The following CNTNAP2 variants were observed in gnomAD, a reference collection of about 807,000 sequenced individuals.
CNTNAP2 encodes contactin associated protein 2.
A neutral mutation model predicts 155.2 loss-of-function variants in CNTNAP2; 98 were observed. The observed-to-expected ratio is 0.63, with a 90% CI of 0.54 to 0.75. CNTNAP2 has a LOEUF of 0.75. CNTNAP2 is among the 30% of genes least tolerant of loss of function. CNTNAP2 has a pLI of 0.00. For missense variants in CNTNAP2, 1,727 were observed against 1,688.1 expected, an observed-to-expected ratio of 1.02 and a Z score of -0.40; for synonymous variants, 651 against 631.2, an observed-to-expected ratio of 1.03 and a Z score of -0.47.
At chr7:148,405,603 A>ATTTTTTTTTTT (rs535094195) in intron 22 of CNTNAP2, among the ~76,000 whole-genome samples, 1 of 36,830 alleles carries the variant, frequency 2.7e-5, no homozygotes, top group East Asian at 9.5e-4. Context: ...TGCACAGCTA[A>ATTTTTTTTTTT]TTTTTTTTTT....
At chr7:147,800,422 C>T (rs560915509) in intron 13 of CNTNAP2, among the ~76,000 whole-genome samples, 1 of 151,584 alleles carries the variant, frequency 6.6e-6, no homozygotes, top group East Asian at 1.9e-4. Flanking sequence ...AAACTTAAGG[C>T]CATTTAAAAA....
intron 1 of CNTNAP2, among the ~76,000 whole-genome samples, chr7:146,456,194 A>G (rs890704028): frequency 6.6e-5 from 10 of 152,208 alleles, no homozygotes; most frequent in Non-Finnish European, 1.2e-4. Flanking sequence ...TGAATGCCAG[A>G]AAATAAAAGG....
intron 3 of CNTNAP2, among the ~76,000 whole-genome samples, chr7:146,881,763 T>TTC (rs1310779566): frequency 1.3e-5 from 2 of 150,882 alleles, no homozygotes; most frequent in African/African-American, 4.9e-5. Context: ...TAATTTTTTT[T>TTC]TTTTTTTTTT....
intron 20 of CNTNAP2, among the ~76,000 whole-genome samples, chr7:148,230,499 C>A (rs772522994): frequency 6.6e-6 from 1 of 152,116 alleles, no homozygotes; most frequent in African/African-American, 2.4e-5. Flanking sequence ...AAAATAGATG[C>A]CTGTCAGGAG....
At chr7:147,788,772 G>C (rs768025649) in intron 13 of CNTNAP2, among the ~76,000 whole-genome samples, 2 of 151,668 alleles carry the variant, frequency 1.3e-5, no homozygotes, top group African/African-American at 4.8e-5. Context: ...TGGATGCAGC[G>C]GTGACGCAGC....
chr7:147,500,699 T>C (rs954163600), intron 11 of CNTNAP2, among the ~76,000 whole-genome samples: 12 of 152,176 alleles, frequency 7.9e-5, no homozygotes, highest in Admixed American at 2.0e-4. Flanking sequence ...ACTCGGAACA[T>C]ACAAAGCCCT....
chr7:146,674,518 A>T (rs1354824549), intron 1 of CNTNAP2, among the ~76,000 whole-genome samples: 1 of 152,170 alleles, frequency 6.6e-6, no homozygotes, highest in African/African-American at 2.4e-5. Context: ...AAATTAAAAA[A>T]AAAAGCATTT....
chr7:146,322,424 A>G (rs952097440), intron 1 of CNTNAP2, among the ~76,000 whole-genome samples: 1 of 152,244 alleles, frequency 6.6e-6, no homozygotes, highest in African/African-American at 2.4e-5. Flanking sequence ...TACAAGCATA[A>G]TGTTTTCACT....
intron 3 of CNTNAP2, among the ~76,000 whole-genome samples, chr7:146,874,701 A>G (rs1041103746): frequency 2.0e-5 from 3 of 152,154 alleles, no homozygotes; most frequent in Non-Finnish European, 4.4e-5. Context: ...TTGTAATTGC[A>G]GCTATACTTC....
intron 4 of CNTNAP2, among the ~76,000 whole-genome samples, chr7:147,098,325 G>A (rs900674766): frequency 3.3e-5 from 5 of 152,160 alleles, no homozygotes; most frequent in African/African-American, 7.2e-5. Flanking sequence ...TAAGCCTTAT[G>A]TAGTAAAGTC....
At chr7:148,270,768 T>C (rs1286846939) in intron 21 of CNTNAP2, among the ~76,000 whole-genome samples, 2 of 152,174 alleles carry the variant, frequency 1.3e-5, no homozygotes, top group Admixed American at 6.5e-5. Flanking sequence ...GTAGAAAGAA[T>C]GTGGACTTCG....
chr7:147,942,920 C>T (rs1402151066), intron 14 of CNTNAP2, among the ~76,000 whole-genome samples: 1 of 151,944 alleles, frequency 6.6e-6, no homozygotes, highest in Admixed American at 6.6e-5. Flanking sequence ...GCCTGTAGTC[C>T]CAGCTACTCG....
chr7:147,653,354 A>C (rs533817804), intron 13 of CNTNAP2, among the ~76,000 whole-genome samples: 1 of 152,318 alleles, frequency 6.6e-6, no homozygotes, highest in Admixed American at 6.5e-5. Context: ...TGCTTTTGAT[A>C]GAGTTCTCCG....
chr7:147,693,443 T>C (rs1350200534), intron 13 of CNTNAP2, among the ~76,000 whole-genome samples: 2 of 152,094 alleles, frequency 1.3e-5, no homozygotes, highest in Non-Finnish European at 2.9e-5. Flanking sequence ...AGAGTAGATA[T>C]TGTGATAATA....
At chr7:148,156,824 T>C (rs1173559273) in intron 17 of CNTNAP2, among the ~76,000 whole-genome samples, 3 of 152,060 alleles carry the variant, frequency 2.0e-5, no homozygotes, top group Non-Finnish European at 4.4e-5. Context: ...AAATTTGGAG[T>C]TACCCTTGAT....
chr7:147,815,698 G>C, intron 13 of CNTNAP2, among the ~76,000 whole-genome samples: 1 of 152,094 alleles, frequency 6.6e-6, no homozygotes, highest in East Asian at 1.9e-4. Context: ...ATATTCCAGG[G>C]ATCCAGGTGT....
chr7:148,226,274 G>A (rs963957819), intron 19 of CNTNAP2, among the ~76,000 whole-genome samples: 1 of 152,072 alleles, frequency 6.6e-6, no homozygotes, highest in Non-Finnish European at 1.5e-5. Flanking sequence ...TGTGGTGTCT[G>A]ATGGGCATAC....
At chr7:147,405,442 TG>T (rs1281330946) in intron 10 of CNTNAP2, among the ~76,000 whole-genome samples, 10 of 152,324 alleles carry the variant, frequency 6.6e-5, no homozygotes, top group African/African-American at 2.4e-4. Context: ...CTCATGGACA[TG>T]TACCATTCTT....
chr7:147,563,621 C>A (rs1209501593), intron 12 of CNTNAP2, among the ~76,000 whole-genome samples: 4 of 104,722 alleles, frequency 3.8e-5, no homozygotes, highest in African/African-American at 1.5e-4. Flanking sequence ...GAGCAAGACT[C>A]CATCTCAATA....
Sources: allele counts gnomAD v4.1 joint callset (sites outside exome capture counted in the v4.1 genomes callset), GRCh38; gene constraint gnomAD v4.1.1; transcripts MANE v1.5; gene names NCBI Gene and HGNC (gene_info 2026-07-23, HGNC 2026-07-21).